Variants in KCNG2 observed in about 807,000 individuals in gnomAD.
KCNG2 encodes potassium voltage-gated channel modifier subfamily G member 2.
A neutral mutation model predicts 12.3 loss-of-function variants in KCNG2; 7 were observed. The observed-to-expected ratio is 0.57, with a 90% CI of 0.32 to 1.07. The LOEUF is 1.07. Ranked by LOEUF, KCNG2 falls within the 50% of genes least tolerant of loss-of-function variation. KCNG2 has a pLI of 0.04. For synonymous variants in KCNG2, 414 were observed against 351.4 expected, an observed-to-expected ratio of 1.18 and a Z score of -1.99; for missense variants, 703 against 726.0, an observed-to-expected ratio of 0.97 and a Z score of 0.36.
chr18:79,889,039 C>T (rs116502498), intron 3 of KCNG2, among the ~76,000 whole-genome samples: 4,835 of 152,228 alleles, frequency 0.032, 275 homozygotes, highest in African/African-American at 0.11. Context: ...AGTTTCTTAT[C>T]TATCCTGGAT....
intron 3 of KCNG2, among the ~76,000 whole-genome samples, chr18:79,898,667 C>T (rs2123139229): frequency 6.6e-6 from 1 of 152,376 alleles, no homozygotes; most frequent in South Asian, 2.1e-4. Context: ...AGTCTTGACA[C>T]AGATACCACA....
chr18:79,861,653 C>G (rs185154040), intron 2 of KCNG2, among the ~76,000 whole-genome samples: 3 of 152,250 alleles, frequency 2.0e-5, no homozygotes, highest in Non-Finnish European at 4.4e-5. Flanking sequence ...TGTTGAGTTT[C>G]TTAGATGTGT....
Position 79,800,193 on chromosome 18 carries a change from A to G in KCNG2, c.-115+2179A>G, listed in dbSNP as rs1280081187. Among the ~76,000 whole-genome samples the G allele has an allele frequency of 3.3e-5, 5 of 149,900 alleles. No individual in the cohort carries two copies. Among genetic ancestry groups the G allele is most frequent in the African/African-American group, 1.2e-4 (5 of 40,384 alleles). ...AGATGGGGCTGTGCCGACAGGCATGAGCTCTGGGGGCCGGGAGGGGTGGTA... is the reference window on the plus strand; with the variant it reads ...AGATGGGGCTGTGCCGACAGGCATGGGCTCTGGGGGCCGGGAGGGGTGGTA... On this transcript the variant is annotated intron_variant, in intron 1 of 3. Coordinates refer to ENST00000316249, the MANE Select transcript of KCNG2 (RefSeq NM_012283.2). This position sits in a 1 kb window ranked among gnomAD's most constrained non-coding sequence, Gnocchi z 4.0.
chr18:79,867,021 T>TGAGAGGTCTGGGTGCC, intron 3 of KCNG2, among the ~76,000 whole-genome samples: 1 of 131,490 alleles, frequency 7.6e-6, no homozygotes, highest in Non-Finnish European at 1.7e-5. Flanking sequence ...GTCTGTGTGC[T>TGAGAGGTCTGGGTGCC]GAGAGGTCTG....
intron 3 of KCNG2, among the ~76,000 whole-genome samples, chr18:79,868,382 C>T (rs954156239): frequency 3.1e-4 from 47 of 152,316 alleles, no homozygotes; most frequent in African/African-American, 9.6e-4. Flanking sequence ...CGCGTGGGGC[C>T]TGGTGACCCG....
intron 1 of KCNG2, among the ~76,000 whole-genome samples, chr18:79,834,871 G>A (rs949206965): frequency 5.3e-5 from 8 of 152,208 alleles, no homozygotes; most frequent in Admixed American, 3.9e-4. Context: ...GCACATCACC[G>A]AATAAACTCA....
At chr18:79,868,548 T>A (rs1979702755) in intron 3 of KCNG2, among the ~76,000 whole-genome samples, 5 of 152,152 alleles carry the variant, frequency 3.3e-5, no homozygotes, top group Admixed American at 3.3e-4. Context: ...CTCACTCCTG[T>A]CCTAAGAGAA....
chr18:79,854,602 C>T (rs1483754715), intron 1 of KCNG2, among the ~76,000 whole-genome samples: 2 of 148,028 alleles, frequency 1.4e-5, no homozygotes, highest in Non-Finnish European at 3.0e-5. Context: ...TCTTGGCTCA[C>T]TGCAAGCTCC....
chr18:79,883,429 A>G (rs750804293), intron 3 of KCNG2, among the ~76,000 whole-genome samples: 44 of 152,208 alleles, frequency 2.9e-4, no homozygotes, highest in Non-Finnish European at 5.0e-4. Flanking sequence ...CTCATTTCTG[A>G]CGTTCCCTGA....
intron 1 of KCNG2, among the ~76,000 whole-genome samples, chr18:79,815,601 T>C (rs539014861): frequency 1.3e-5 from 2 of 152,310 alleles, no homozygotes; most frequent in South Asian, 4.1e-4. Flanking sequence ...GTGACCTCGC[T>C]CTAGAGCCCT....
At chr18:79,881,451 G>C (rs1980293354) in intron 3 of KCNG2, among the ~76,000 whole-genome samples, 1 of 152,202 alleles carries the variant, frequency 6.6e-6, no homozygotes, top group South Asian at 2.1e-4. Context: ...AAAATTAAGG[G>C]AGTTGCTAGC....
At chr18:79,896,627 T>TA (rs1980986434) in intron 3 of KCNG2, among the ~76,000 whole-genome samples, 1 of 152,268 alleles carries the variant, frequency 6.6e-6, no homozygotes, top group South Asian at 2.1e-4. Context: ...TCAAATCCGT[T>TA]AAAAAATTCA....
rs376359719 is a variant in KCNG2, at chr18:79,811,977, G to A, written c.-115+13963G>A. Among the ~76,000 whole-genome samples the A allele has an allele frequency of 3.4e-4, 52 of 152,190 alleles. 2 individuals are homozygous for A. The South Asian group carries it at 0.011, about 31-fold the overall frequency. ...AGAGAGTCACAGGGAGTTGTGTGAC[G>A]ATAACAAAAGTATTAATACTTGTAT... On this transcript the variant is annotated intron_variant, in intron 1 of 3. Transcript: ENST00000316249.
Position 79,876,579 on chromosome 18 carries a change from C to T in KCNG2, c.624+12288C>T, listed in dbSNP as rs140168698. 3.6e-3 allele frequency among the ~76,000 whole-genome samples: 547 copies of T among 152,370 alleles called. 2 individuals are homozygous for T. The highest frequency in any genetic ancestry group is 5.7e-3 in the Admixed American group (87 of 15,304). On this transcript the variant is annotated intron_variant, in intron 3 of 3. Coordinates refer to ENST00000316249, the MANE Select transcript of KCNG2 (RefSeq NM_012283.2). Reference sequence around the variant, plus strand: ...TCTGTCCCGGGAAGGATGCCCTCTTCTGCATCCACAGGCAGTGGTGCCCTC... The same window carrying T: ...TCTGTCCCGGGAAGGATGCCCTCTTTTGCATCCACAGGCAGTGGTGCCCTC...
At chr18:79,824,695 G>C (rs1206777703) in intron 1 of KCNG2, among the ~76,000 whole-genome samples, 5 of 152,228 alleles carry the variant, frequency 3.3e-5, no homozygotes, top group South Asian at 2.1e-4. Context: ...TTCATCAAAG[G>C]CTGCTTGGTA....
At chr18:79,852,256 C>T (rs1203147949) in intron 1 of KCNG2, among the ~76,000 whole-genome samples, 4 of 152,200 alleles carry the variant, frequency 2.6e-5, no homozygotes, top group East Asian at 1.9e-4. Flanking sequence ...GCGCCCGCCC[C>T]GGGGAAAACG....
rs771045926 is a variant in KCNG2 at position 79,899,466 on chromosome 18, C to T, written c.1051C>T (p.Arg351Cys). Residue 351 changes from arginine (R) to cysteine (C), a missense_variant, in exon 4 of 4, where the codon CGC (arginine) becomes TGC (cysteine). Coordinates refer to ENST00000316249, the MANE Select transcript of KCNG2 (RefSeq NM_012283.2). ...HLAERELGAR[R>C]DFSSVPASYW... ...GGCCGAGCGCGAGCTGGGCGCGCGC[C>T]GCGACTTCTCCAGCGTGCCCGCCAG... 4 of 1,605,244 alleles carry T rather than the reference C, an allele frequency of 2.5e-6. No homozygotes were observed. Among genetic ancestry groups the T allele is most frequent in the East Asian group, 2.3e-5 (1 of 44,424 alleles).
chr18:79,846,504 G>A (rs1157574226), intron 1 of KCNG2, among the ~76,000 whole-genome samples: 1 of 151,300 alleles, frequency 6.6e-6, no homozygotes, highest in Non-Finnish European at 1.5e-5. Flanking sequence ...AGAGATTACA[G>A]GAATGATGCT....
chr18:79,855,766 TCTGTCGTCACTGAAC>T (rs1158685966), intron 1 of KCNG2, among the ~76,000 whole-genome samples: 15 of 152,142 alleles, frequency 9.9e-5, no homozygotes, highest in Admixed American at 3.3e-4. Flanking sequence ...CCCGTTCACC[TCTGTCGTCACTGAAC>T]CAGACCCCAC....
Sources: gnomAD v4.1 joint callset for allele counts (sites outside exome capture counted in the v4.1 genomes callset) on GRCh38, gnomAD v4.1.1 for gene constraint, Gnocchi (gnomAD v3.1) non-coding constraint, MANE v1.5 for transcripts, NCBI Gene and HGNC (gene_info 2026-07-23, HGNC 2026-07-21) for gene names.